Variants in HTR2C observed in about 807,000 individuals in gnomAD.
The protein encoded by HTR2C is 5-hydroxytryptamine (serotonin) receptor 2C, G protein-coupled.
HTR2C carries 5 observed loss-of-function variants against 21.0 expected under a neutral mutation model. The observed-to-expected ratio is 0.24, with a 90% CI of 0.12 to 0.50. The LOEUF is 0.50. Ranked by LOEUF, HTR2C falls within the 20% of genes least tolerant of loss-of-function variation. HTR2C has a pLI of 0.98. For missense variants in HTR2C, 271 were observed against 371.2 expected (o/e 0.73, Z 2.22); for synonymous variants, 150 against 145.3 (o/e 1.03, Z -0.23).
intron 2 of HTR2C, among the ~76,000 whole-genome samples, chrX:114,656,532 A>G (rs1381675719): frequency 9.0e-6 from 1 of 111,211 alleles, no homozygotes; most frequent in Admixed American, 9.6e-5. Context: ...GGAAGGAGAA[A>G]TGGAGTGAGA....
At chrX:114,727,802 C>T in intron 3 of HTR2C, among the ~76,000 whole-genome samples, 1 of 111,619 alleles carries the variant, frequency 9.0e-6, no homozygotes, top group Non-Finnish European at 1.9e-5. Context: ...CACTGTGGCC[C>T]ATCTTGAGTG....
chrX:114,842,764 A>G (rs1475618864), intron 4 of HTR2C, among the ~76,000 whole-genome samples: 1 of 111,079 alleles, frequency 9.0e-6, no homozygotes, highest in Non-Finnish European at 1.9e-5. Context: ...TCCCAAACAG[A>G]CCCAACCTGC....
At chrX:114,904,270 A>G (rs898116527) in intron 5 of HTR2C, among the ~76,000 whole-genome samples, 3 of 111,813 alleles carry the variant, frequency 2.7e-5, no homozygotes, top group Non-Finnish European at 5.6e-5. Flanking sequence ...TTACAAAGGT[A>G]GAATTATAAA....
At chrX:114,823,436 C>T in intron 4 of HTR2C, 1 of 343,500 alleles carries the variant, frequency 2.9e-6, no homozygotes, top group Non-Finnish European at 5.9e-6. Flanking sequence ...CATGGTGCAG[C>T]AGTTCATCTT....
chrX:114,853,248 CTTAAT>C (rs1354357649), intron 5 of HTR2C, among the ~76,000 whole-genome samples: 2 of 110,462 alleles, frequency 1.8e-5, no homozygotes, highest in East Asian at 2.8e-4. Context: ...ATTTTTATTT[CTTAAT>C]TTAATAGCTC....
At chrX:114,835,248 G>T (rs1355476815) in intron 4 of HTR2C, among the ~76,000 whole-genome samples, 1 of 95,041 alleles carries the variant, frequency 1.1e-5, no homozygotes, top group Admixed American at 1.2e-4. Context: ...TCTGAACGTT[G>T]GCCTGCCTTG....
intron 1 of HTR2C, among the ~76,000 whole-genome samples, chrX:114,600,570 A>G (rs1051675378): frequency 7.2e-5 from 8 of 111,342 alleles, no homozygotes; most frequent in African/African-American, 1.3e-4. Flanking sequence ...AGGAAAATAA[A>G]AGGTGAATCA....
intron 1 of HTR2C, among the ~76,000 whole-genome samples, chrX:114,593,098 G>C (rs1348007696): frequency 8.9e-6 from 1 of 112,119 alleles, no homozygotes; most frequent in East Asian, 2.8e-4. Context: ...GAATGCAAAT[G>C]TGTTATAATT....
At chrX:114,781,470 T>G (rs2070116608) in intron 4 of HTR2C, among the ~76,000 whole-genome samples, 1 of 110,062 alleles carries the variant, frequency 9.1e-6, no homozygotes, top group Non-Finnish European at 1.9e-5. Context: ...CACTCTAGCC[T>G]GGATGGCAGA....
chrX:114,763,235 C>T (rs1210764818), intron 4 of HTR2C: 3 of 125,627 alleles, frequency 2.4e-5, no homozygotes, highest in African/African-American at 9.7e-5. Flanking sequence ...AGTCTCCCAC[C>T]AGGCATTGTG....
intron 2 of HTR2C, among the ~76,000 whole-genome samples, chrX:114,716,575 A>G (rs1022968787): frequency 1.5e-4 from 17 of 111,888 alleles, no homozygotes; most frequent in Non-Finnish European, 3.0e-4. Context: ...CTTGCATTCA[A>G]ATTGAATAAT....
At chrX:114,746,567 C>T (rs190539610) in intron 4 of HTR2C, among the ~76,000 whole-genome samples, 7 of 111,272 alleles carry the variant, frequency 6.3e-5, no homozygotes, top group South Asian at 3.8e-4. Context: ...AAGATAAAAA[C>T]GATCAATTAG....
chrX:114,649,798 A>G (rs1307193113), intron 2 of HTR2C, among the ~76,000 whole-genome samples: 1 of 110,290 alleles, frequency 9.1e-6, no homozygotes, highest in Non-Finnish European at 1.9e-5. Context: ...TATTTTTAGT[A>G]GAGATGGGGT....
At chrX:114,807,041 A>ATG (rs1371547014) in intron 4 of HTR2C, among the ~76,000 whole-genome samples, 4 of 19,764 alleles carry the variant, frequency 2.0e-4, no homozygotes, top group Non-Finnish European at 4.3e-4. Context: ...TATACACCAT[A>ATG]TATATACCAT....
intron 2 of HTR2C, among the ~76,000 whole-genome samples, chrX:114,662,910 G>A (rs1015212935): frequency 8.9e-5 from 10 of 111,948 alleles, no homozygotes; most frequent in Admixed American, 8.5e-4. Context: ...GATGTCTAAT[G>A]TAAATGTCCC....
At chrX:114,702,482 A>G (rs1353663948) in intron 2 of HTR2C, among the ~76,000 whole-genome samples, 1 of 110,266 alleles carries the variant, frequency 9.1e-6, no homozygotes, top group Non-Finnish European at 1.9e-5. Context: ...TGAAGGAGAA[A>G]TAAAATCTTT....
At chrX:114,592,483 T>C (rs1207454596) in intron 1 of HTR2C, among the ~76,000 whole-genome samples, 4 of 111,826 alleles carry the variant, frequency 3.6e-5, no homozygotes, top group African/African-American at 1.3e-4. Context: ...TTTGTTTCTC[T>C]AGTATAATAC....
chrX:114,858,978 A>G (rs1556472043), intron 5 of HTR2C, among the ~76,000 whole-genome samples: 2 of 110,471 alleles, frequency 1.8e-5, no homozygotes, highest in Non-Finnish European at 3.8e-5. Flanking sequence ...AATTGTATAC[A>G]TTTTTGAATT....
At chrX:114,648,865 A>G (rs1261646905) in intron 2 of HTR2C, among the ~76,000 whole-genome samples, 1 of 112,186 alleles carries the variant, frequency 8.9e-6, no homozygotes, top group Non-Finnish European at 1.9e-5. Context: ...GCAAATGTTC[A>G]GAGACATGAG....
Sources: allele counts gnomAD v4.1 joint callset (sites outside exome capture counted in the v4.1 genomes callset), GRCh38; gene constraint gnomAD v4.1.1; transcripts MANE v1.5; gene names NCBI Gene and HGNC (gene_info 2026-07-23, HGNC 2026-07-21).